The following HIP1 variants were observed in gnomAD, a reference collection of about 807,000 sequenced individuals.
HIP1 encodes the protein huntingtin interacting protein 1.
In HIP1, 65 loss-of-function variants were observed where a neutral mutation model predicts 147.6. The ratio of observed to expected loss-of-function variants is 0.44; its 90% confidence interval spans 0.36 to 0.54. The LOEUF is 0.54. HIP1 is among the 20% of genes least tolerant of loss of function. HIP1 has a pLI of 0.00. For synonymous variants in HIP1, 479 were observed against 504.0 expected, an observed-to-expected ratio of 0.95 and a Z score of 0.67; for missense variants, 1,061 against 1,299.6, an observed-to-expected ratio of 0.82 and a Z score of 2.82.
intron 1 of HIP1, chr7:75,654,605 G>A (rs1799093495): frequency 6.6e-6 from 1 of 152,224 alleles, no homozygotes; most frequent in African/African-American, 2.4e-5. Flanking sequence ...CAGAGTGAGA[G>A]AGGAATACGG....
chr7:75,566,549 C>T (rs587688892), intron 9 of HIP1, among the ~76,000 whole-genome samples: 2 of 151,644 alleles, frequency 1.3e-5, no homozygotes, highest in South Asian at 4.1e-4. Flanking sequence ...GCGCTAACTT[C>T]CGGATGTTGC....
intron 29 of HIP1, among the ~76,000 whole-genome samples, chr7:75,541,475 G>A (rs1219515518): frequency 1.1e-4 from 17 of 149,418 alleles, no homozygotes; most frequent in African/African-American, 4.0e-4. Context: ...AGCTTGCAGT[G>A]AGCCGAGATC....
chr7:75,712,359 G>C (rs184985295), intron 1 of HIP1, among the ~76,000 whole-genome samples: 1 of 152,122 alleles, frequency 6.6e-6, no homozygotes, highest in Admixed American at 6.6e-5. Flanking sequence ...AGTGTTCCAG[G>C]CACTGACAAA....
rs1799426321 is a variant in HIP1 at position 75,664,026 on chromosome 7, GTGTATA to G, written c.121-64785_121-64780del. ...TATGTGTATATATATACACATATAT[GTGTATA>G]TATATACACATATATGTGTATATAC... On this transcript the variant is annotated intron_variant, in intron 1 of 30. Transcript: ENST00000336926. Among the ~76,000 whole-genome samples the G allele has an allele frequency of 2.9e-4, 6 of 20,476 alleles. 2 individuals carry two copies. The highest frequency in any genetic ancestry group is 2.3e-3 in the East Asian group (2 of 854). The allele number at this position is 20,476 out of a possible 152,430, so 13.4% of individuals were successfully genotyped here.
chr7:75,698,364 G>A (rs1360818825), intron 1 of HIP1, among the ~76,000 whole-genome samples: 1 of 152,150 alleles, frequency 6.6e-6, no homozygotes, highest in Non-Finnish European at 1.5e-5. Flanking sequence ...GAGGCACAGA[G>A]AGACAAGTGA....
At chr7:75,675,804 T>A (rs1206810377) in intron 1 of HIP1, among the ~76,000 whole-genome samples, 4 of 152,162 alleles carry the variant, frequency 2.6e-5, no homozygotes, top group African/African-American at 9.6e-5. Context: ...CATAGTGAGA[T>A]GCTGTTGCTA....
chr7:75,609,287 C>A (rs1554504388), intron 1 of HIP1, among the ~76,000 whole-genome samples: 3 of 152,132 alleles, frequency 2.0e-5, no homozygotes, highest in Non-Finnish European at 4.4e-5. Context: ...TGGTTTGGGG[C>A]CCATTGCCGA....
chr7:75,609,388 G>A lies in HIP1; in HGVS notation c.121-10141C>T, dbSNP rs139006203. Reference sequence around the variant, plus strand: ...GCCAGGGAATGTCAGATACTGAGGGGTTTCCAGGGCAGAAGTTCCCTGCGA... The same window carrying A: ...GCCAGGGAATGTCAGATACTGAGGGATTTCCAGGGCAGAAGTTCCCTGCGA... On this transcript the variant is annotated intron_variant, in intron 1 of 30. Transcript: ENST00000336926. Among the ~76,000 whole-genome samples, 106 of 152,248 alleles carry A rather than the reference G, an allele frequency of 7.0e-4. 1 individual carries two copies. Among genetic ancestry groups the A allele is most frequent in the African/African-American group, 2.3e-3 (96 of 41,550 alleles).
intron 29 of HIP1, among the ~76,000 whole-genome samples, chr7:75,541,528 C>T (rs1477901455): frequency 6.8e-6 from 1 of 146,562 alleles, no homozygotes; most frequent in Non-Finnish European, 1.5e-5. Flanking sequence ...AAGACTCCGT[C>T]TCAAAAAAAA....
At chr7:75,570,557 C>A (rs1424751405) in intron 8 of HIP1, among the ~76,000 whole-genome samples, 11 of 151,848 alleles carry the variant, frequency 7.2e-5, no homozygotes, top group Non-Finnish European at 1.6e-4. Context: ...TCCCAAAGTG[C>A]TGGGATTACA....
chr7:75,725,609 T>C (rs1401875619), intron 1 of HIP1, among the ~76,000 whole-genome samples: 2 of 152,184 alleles, frequency 1.3e-5, no homozygotes, highest in Admixed American at 1.3e-4. Flanking sequence ...TGTGTCTGCC[T>C]TTTTCTTCAC....
At chr7:75,704,436 G>T (rs945758359) in intron 1 of HIP1, among the ~76,000 whole-genome samples, 1 of 151,980 alleles carries the variant, frequency 6.6e-6, no homozygotes, top group African/African-American at 2.4e-5. Context: ...TAGAGATAGG[G>T]TTTCTTCATG....
chr7:75,562,090 A>T lies in HIP1; in HGVS notation c.1101T>A (p.Gly367=). 1.9e-6 allele frequency: 3 copies of T among 1,610,252 alleles called. No homozygotes were observed. Among genetic ancestry groups the T allele is most frequent in the Non-Finnish European group, 2.6e-6 (3 of 1,176,464 alleles). Residue 367 remains glycine (G), a synonymous_variant, in exon 12 of 31, where the codon GGT becomes GGA. Transcript: ENST00000336926. The part of the protein sequence containing the change: ...SDPFNFNSQN[G]VNKDEKDHLI... ...GGACTCACTTCTCATCCTTGTTCAC[A>T]CCATTTTGACTGTTGAAATTGAAGG...
At chr7:75,551,813 A>G (rs1794794600) in intron 22 of HIP1, among the ~76,000 whole-genome samples, 1 of 152,038 alleles carries the variant, frequency 6.6e-6, no homozygotes, top group Non-Finnish European at 1.5e-5. Flanking sequence ...CAATTGATCC[A>G]CCCACCTTGG....
intron 1 of HIP1, among the ~76,000 whole-genome samples, chr7:75,653,920 TCAC>T (rs1469274287): frequency 6.6e-6 from 1 of 152,152 alleles, no homozygotes; most frequent in Non-Finnish European, 1.5e-5. Flanking sequence ...AGAAATGACT[TCAC>T]CATGCCAGGC....
intron 2 of HIP1, among the ~76,000 whole-genome samples, chr7:75,598,002 C>G (rs1461531956): frequency 1.3e-5 from 2 of 152,074 alleles, no homozygotes; most frequent in African/African-American, 4.8e-5. Flanking sequence ...TTCAAGTCAC[C>G]CATTCCCTAA....
intron 1 of HIP1, among the ~76,000 whole-genome samples, chr7:75,694,165 A>C (rs1310127561): frequency 6.6e-6 from 1 of 151,588 alleles, no homozygotes; most frequent in Non-Finnish European, 1.5e-5. Flanking sequence ...TGATCCACCC[A>C]CCTCGGCCTC....
chr7:75,545,099 G>A lies in HIP1; in HGVS notation c.2649C>T (p.Ala883=). The part of the protein sequence containing the change: ...ISASKAVGWG[A]TVMVDAADLV... Reference sequence around the variant, plus strand: ...CAATAGATACTTACACCATGACAGTGGCTCCCCAGCCCACAGCCTTGGAGG... The same window carrying A: ...CAATAGATACTTACACCATGACAGTAGCTCCCCAGCCCACAGCCTTGGAGG... The change falls in exon 26 of 31, where the codon GCC becomes GCT. Residue 883 remains alanine, a synonymous_variant. Coordinates refer to ENST00000336926, the MANE Select transcript of HIP1 (RefSeq NM_005338.7). 1 of 1,600,326 alleles carries A rather than the reference G, an allele frequency of 6.2e-7. No individual in the cohort carries two copies. Among genetic ancestry groups the A allele is most frequent in the South Asian group, 1.1e-5 (1 of 90,332 alleles).
At chr7:75,603,434 A>G (rs1797088339) in intron 1 of HIP1, among the ~76,000 whole-genome samples, 1 of 151,950 alleles carries the variant, frequency 6.6e-6, no homozygotes, top group Non-Finnish European at 1.5e-5. Context: ...CAGCCACCCA[A>G]TTAGTGGGAA....
Sources: gnomAD v4.1 joint callset for allele counts (sites outside exome capture counted in the v4.1 genomes callset) on GRCh38, gnomAD v4.1.1 for gene constraint, MANE v1.5 for transcripts, NCBI Gene and HGNC (gene_info 2026-07-23, HGNC 2026-07-21) for gene names.